FLG: variants seen among roughly 807,000 people sequenced by gnomAD.
The protein encoded by FLG is filaggrin, also known as epidermal filaggrin.
Under a neutral mutation model 3.8 loss-of-function variants are expected in FLG, and 6 were observed. The observed-to-expected ratio is 1.60, with a 90% CI of 0.87 to 3.15. The LOEUF (loss-of-function observed/expected upper bound fraction) is 3.15, where lower values mean the gene tolerates loss of function less well. FLG is among the 30% of genes most tolerant of loss of function. The probability of loss-of-function intolerance (pLI) is 0.00; values close to 1 mark genes in which losing one functional copy is unlikely to be tolerated. For missense variants in FLG, 7,595 were observed against 5,050.9 expected, an observed-to-expected ratio of 1.50 and a Z score of -15.27; for synonymous variants, 2,551 against 1,931.6, an observed-to-expected ratio of 1.32 and a Z score of -8.41.
At position 152,313,384 on chromosome 1, in the gene FLG, C is replaced by T. The variant is rs145828067; in HGVS notation, c.1502G>A (p.Arg501Gln). The T allele has an allele frequency of 3.0e-4, 485 of 1,613,376 alleles. No individual in the cohort carries two copies. The highest frequency in any genetic ancestry group is 4.0e-4 in the Non-Finnish European group (470 of 1,179,840). ...GGACGCTGAATGCCTGGAGCTGTCT[C>T]GTGCCTGCTCGTGGTGCGATCCTTG... ...GRQGSHHEQA[R>Q]DSSRHSASQE... Residue 501 changes from arginine to glutamine, a missense_variant, in exon 3 of 3, where the codon CGA (arginine) becomes CAA (glutamine). Arg to Gln is a conservative substitution (Grantham distance 43, BLOSUM62 1). Coordinates refer to ENST00000368799, the MANE Select transcript of FLG (RefSeq NM_002016.2).
At chr1:152,314,778 G>A in intron 2 of FLG, 31 bp from the exon 3 acceptor site, 1 of 1,613,070 alleles carries the variant, frequency 6.2e-7, no homozygotes, top group Non-Finnish European at 8.5e-7. Context: ...GAGGGAGACT[G>A]CATCAGACAG....
In FLG at chr1:152,311,143, C is replaced by G; in HGVS notation, c.3743G>C (p.Arg1248Thr). 3 of 1,613,936 alleles carry G rather than the reference C, an allele frequency of 1.9e-6. No homozygotes were observed. The highest frequency in any genetic ancestry group is 2.5e-6 in the Non-Finnish European group (3 of 1,180,006). The stretch of plus-strand genomic sequence containing the variant: ...TTGTTCCTGTCCCACCTGTGAGTGT[C>G]TAGAGCTGTCAGCCCAAGAGGCAGC... ...HEAASWADSS[R>T]HSQVGQEQSS... The change falls in exon 3 of 3, where the codon AGA (arginine) becomes ACA (threonine). Residue 1248 changes from arginine (R) to threonine (T), a missense_variant. Physicochemically the swap from Arg to Thr is moderately conservative, Grantham distance 71. Transcript: ENST00000368799.
In FLG at chr1:152,304,193, C is replaced by A; in HGVS notation, c.10693G>T (p.Gly3565Ter). ...WSGSASRNHR[G>*]SAQEQSRDGS... The stretch of plus-strand genomic sequence containing the variant: ...TCTCTTGACTGCTCCTGAGCAGATC[C>A]ACGATGGTTTCTGGAAGCAGACCCA... Residue 3565 changes from glycine (G) to a stop codon, truncating the protein, a stop_gained, in exon 3 of 3, where the codon GGA becomes TGA. Transcript: ENST00000368799. LOFTEE classifies it low-confidence loss of function (END_TRUNC). 1 of 1,610,236 alleles carries A rather than the reference C, an allele frequency of 6.2e-7. No homozygotes were observed. The highest frequency in any genetic ancestry group is 8.5e-7 in the Non-Finnish European group (1 of 1,179,432).
Position 152,310,270 on chromosome 1 carries a change from C to T in FLG, c.4616G>A (p.Ser1539Asn). 2 of 1,613,896 alleles carry T rather than the reference C, an allele frequency of 1.2e-6. No homozygotes were observed. The highest frequency in any genetic ancestry group is 1.7e-6 in the Non-Finnish European group (2 of 1,179,984). ...DASHGQSGPR[S>N]ASRQTRNEEQ... is the part of the protein sequence containing the mutation. ...CTCATTTCTTGTTTGCCTGCTTGCA[C>T]TTCTGGGTCCTGACTGCCCATGGGA... is the stretch of plus-strand genomic sequence containing the variant. The change falls in exon 3 of 3, where the codon AGT becomes AAT. Residue 1539 changes from serine to asparagine, a missense_variant. By Grantham distance (46) the Ser-to-Asn change is conservative. Transcript: ENST00000368799.
chr1:152,320,347 A>G (rs1364834315), intron 1 of FLG, among the ~76,000 whole-genome samples: 4 of 151,060 alleles, frequency 2.6e-5, no homozygotes, highest in Non-Finnish European at 3.0e-5. Flanking sequence ...CTGGATTAAA[A>G]AAAACCAACT....
At chr1:152,323,760 A>G (rs934298840) in intron 1 of FLG, among the ~76,000 whole-genome samples, 2 of 151,636 alleles carry the variant, frequency 1.3e-5, no homozygotes, top group Admixed American at 1.3e-4. Flanking sequence ...TCTAAGTCCT[A>G]GCGATTTACT....
chr1:152,306,775 GTGTC>G lies in FLG; in HGVS notation c.8107_8110del (p.Asp2703HisfsTer39), dbSNP rs1365044845. 1.4e-6 allele frequency: 2 copies of G among 1,421,536 alleles called. No homozygotes were observed. 88.1% of individuals were successfully genotyped at this position (1,421,536 alleles called of 1,614,324 possible). A position where few individuals can be genotyped will look rare whatever the true frequency, so the allele number is the denominator to read the frequency against. On this transcript the variant is annotated frameshift_variant, in exon 3 of 3. Coordinates refer to ENST00000368799, the MANE Select transcript of FLG (RefSeq NM_002016.2). LOFTEE classifies it low-confidence loss of function (END_TRUNC). ...CTGTCCGTGGGCTGACACTGACTGT[GTGTC>G]TGAGTCTTCTGAATGTCCCTCATTG... is the stretch of plus-strand genomic sequence containing the variant.
In FLG at chr1:152,307,553, G is replaced by C; in HGVS notation, c.7333C>G (p.Gln2445Glu). Residue 2445 changes from glutamine to glutamate, a missense_variant, in exon 3 of 3, where the codon CAG becomes GAG. Coordinates refer to ENST00000368799, the MANE Select transcript of FLG (RefSeq NM_002016.2). ...TGGRQGSHHK[Q>E]ARDSSRHSTS... is the part of the protein sequence containing the mutation. Reference sequence around the variant, plus strand: ...GAGTGCCTGGAGCTGTCTCGTGCCTGCTTGTGGTGGGATCCTTGTCTTCCT... The same window carrying C: ...GAGTGCCTGGAGCTGTCTCGTGCCTCCTTGTGGTGGGATCCTTGTCTTCCT... 1.9e-6 allele frequency: 3 copies of C among 1,613,842 alleles called. No homozygotes were observed. Among genetic ancestry groups the C allele is most frequent in the Non-Finnish European group, 2.5e-6 (3 of 1,179,948 alleles).
Position 152,311,156 on chromosome 1 carries a change from C to T in FLG, c.3730G>A (p.Ala1244Thr), listed in dbSNP as rs1338711675. Reference sequence around the variant, plus strand: ...ACCTGTGAGTGTCTAGAGCTGTCAGCCCAAGAGGCAGCTTCATGGTGACGT... The same window carrying T: ...ACCTGTGAGTGTCTAGAGCTGTCAGTCCAAGAGGCAGCTTCATGGTGACGT... ...GSRHHEAASWADSSRHSQVGQ... is the reference protein window; with the variant it reads ...GSRHHEAASWTDSSRHSQVGQ... Residue 1244 changes from alanine (A) to threonine (T), a missense_variant, in exon 3 of 3, where the codon GCT (alanine) becomes ACT (threonine). Coordinates refer to ENST00000368799, the MANE Select transcript of FLG (RefSeq NM_002016.2). The T allele has an allele frequency of 8.7e-6, 14 of 1,613,848 alleles. No homozygotes were observed. The highest frequency in any genetic ancestry group is 1.2e-5 in the Non-Finnish European group (14 of 1,179,978).
chr1:152,309,473 C>T lies in FLG; in HGVS notation c.5413G>A (p.Ala1805Thr), dbSNP rs369427030. ...EQARDSSRHS[A>T]SQEGQDTIRG... ...ATGGTGTCCTGACCCTCTTGGGACG[C>T]TGAGTGCCTGGAGCTGTCTCGTGCC... The change falls in exon 3 of 3, where the codon GCG becomes ACG. Residue 1805 changes from alanine (A) to threonine (T), a missense_variant. Transcript: ENST00000368799. 2.7e-5 allele frequency: 44 copies of T among 1,613,746 alleles called. 1 individual carries two copies. Among genetic ancestry groups the T allele is most frequent in the Admixed American group, 6.7e-5 (4 of 59,962 alleles).
At chr1:152,320,600 C>A (rs975746522) in intron 1 of FLG, among the ~76,000 whole-genome samples, 4 of 151,036 alleles carry the variant, frequency 2.6e-5, no homozygotes, top group Admixed American at 2.6e-4. Context: ...GAGGACCAGG[C>A]AATCTACAAT....
Position 152,303,488 on chromosome 1 carries a change from A to C in FLG, c.11398T>G (p.Ser3800Ala). 2.5e-6 allele frequency: 4 copies of C among 1,613,092 alleles called. No homozygotes were observed. Among genetic ancestry groups the C allele is most frequent in the Non-Finnish European group, 3.4e-6 (4 of 1,179,752 alleles). ...HTTSQGRSDASHGQSGSRSAS... is the reference protein window; with the variant it reads ...HTTSQGRSDAAHGQSGSRSAS... ...CTTCTGGATCCTGACTGCCCATGGG[A>C]GGCATCAGACCTTCCCTGGGATGTG... The change falls in exon 3 of 3, where the codon TCC (serine) becomes GCC (alanine). Residue 3800 changes from serine to alanine, a missense_variant. By Grantham distance (99) the Ser-to-Ala change is moderately conservative (BLOSUM62 1). Coordinates refer to ENST00000368799, the MANE Select transcript of FLG (RefSeq NM_002016.2).
In FLG at chr1:152,313,196, A is replaced by T. The variant is rs140553951; in HGVS notation, c.1690T>A (p.Ser564Thr). The change falls in exon 3 of 3, where the codon TCC becomes ACC. Residue 564 changes from serine (S) to threonine (T), a missense_variant. Ser to Thr is a moderately conservative substitution (Grantham distance 58, BLOSUM62 1). Transcript: ENST00000368799. The stretch of plus-strand genomic sequence containing the variant: ...CGTGTTTGTCTGCTTGCACTTCTGG[A>T]TCCTGACTGCCCATGGGAGGCATCA... ...RSDASHGQSG[S>T]RSASRQTRNE... 4.3e-6 allele frequency: 7 copies of T among 1,613,476 alleles called. No individual in the cohort carries two copies. Among genetic ancestry groups the T allele is most frequent in the Non-Finnish European group, 5.9e-6 (7 of 1,179,928 alleles).
rs200467094 is a variant in FLG at position 152,311,919 on chromosome 1, G to T, written c.2967C>A (p.His989Gln). ...AGTGCCCGTGACCGGCTCTGTCTTC[G>T]TGATGGGACCTGGGGTGTCTGGAGC... ...RHGSRHPRSHHEDRAGHGHSA... is the reference protein window; with the variant it reads ...RHGSRHPRSHQEDRAGHGHSA... Residue 989 changes from histidine to glutamine, a missense_variant, in exon 3 of 3, where the codon CAC (histidine) becomes CAA (glutamine). Coordinates refer to ENST00000368799, the MANE Select transcript of FLG (RefSeq NM_002016.2). 5.6e-6 allele frequency: 9 copies of T among 1,613,948 alleles called. No individual in the cohort carries two copies. The highest frequency in any genetic ancestry group is 4.0e-5 in the African/African-American group (3 of 74,888).
chr1:152,312,889 T>A lies in FLG; in HGVS notation c.1997A>T (p.Asp666Val). 1.2e-6 allele frequency: 2 copies of A among 1,614,086 alleles called. No homozygotes were observed. ...GSRHPRSHHE[D>V]RAGHGHSADS... ...TGCAGAGTGCCCATGACCAGCTCTG[T>A]CTTCGTGATGGGACCTGGGGTGTCT... Residue 666 changes from aspartate to valine, a missense_variant, in exon 3 of 3, where the codon GAC (aspartate) becomes GTC (valine). Physicochemically the swap from Asp to Val is radical, Grantham distance 152. Coordinates refer to ENST00000368799, the MANE Select transcript of FLG (RefSeq NM_002016.2).
chr1:152,309,521 TTCC>T lies in FLG; in HGVS notation c.5362_5364del (p.Gly1788del). 6.2e-7 allele frequency: 1 copy of T among 1,613,934 alleles called. No individual in the cohort carries two copies. Among genetic ancestry groups the T allele is most frequent in the African/African-American group, 1.3e-5 (1 of 74,994 alleles). On this transcript the variant is annotated inframe_deletion, in exon 3 of 3. Coordinates refer to ENST00000368799, the MANE Select transcript of FLG (RefSeq NM_002016.2). ...GCCTGCTCGTGGCGGGATCTTTGTCTTCCTCCAGTGCTGGGCCCTGTGCGTCCA... is the reference window on the plus strand; with the variant it reads ...GCCTGCTCGTGGCGGGATCTTTGTCTTCCAGTGCTGGGCCCTGTGCGTCCA...
Position 152,312,971 on chromosome 1 carries a change from C to A in FLG, c.1915G>T (p.Gly639Trp). 1 of 1,613,982 alleles carries A rather than the reference C, an allele frequency of 6.2e-7. No individual in the cohort carries two copies. Among genetic ancestry groups the A allele is most frequent in the South Asian group, 1.1e-5 (1 of 91,076 alleles). The change falls in exon 3 of 3, where the codon GGG becomes TGG. Residue 639 changes from glycine (G) to tryptophan (W), a missense_variant. Physicochemically the swap from Gly to Trp is radical, Grantham distance 184. Coordinates refer to ENST00000368799, the MANE Select transcript of FLG (RefSeq NM_002016.2). ...CCATGATGGTTTCTGGAAGCAGACC[C>A]AGACCACCTCTCAGAGTCTTCTGAG... ...GHSEDSERWS[G>W]SASRNHHGSA... is the part of the protein sequence containing the mutation.
intron 1 of FLG, among the ~76,000 whole-genome samples, chr1:152,322,197 C>T (rs1013622181): frequency 5.3e-5 from 8 of 150,850 alleles, no homozygotes; most frequent in East Asian, 3.9e-4. Context: ...AACTAGTATG[C>T]CTGCATCATC....
chr1:152,305,259 C>T lies in FLG; in HGVS notation c.9627G>A (p.Arg3209=), dbSNP rs1651878850. The change falls in exon 3 of 3, where the codon AGG becomes AGA. Residue 3209 remains arginine (R), a synonymous_variant. Transcript: ENST00000368799. ...QGQSEGSRRS[R]RQGSSVSQDS... is the part of the protein sequence containing the mutation. ...CCTGGCTCACACTGGATCCCTGGCGCCTGCTTCTCCTGGACCCCTCTGATT... is the reference window on the plus strand; with the variant it reads ...CCTGGCTCACACTGGATCCCTGGCGTCTGCTTCTCCTGGACCCCTCTGATT... The T allele has an allele frequency of 1.9e-6, 3 of 1,612,328 alleles. No homozygotes were observed. Among genetic ancestry groups the T allele is most frequent in the Non-Finnish European group, 2.5e-6 (3 of 1,179,738 alleles).
Sources: gnomAD v4.1 joint callset for allele counts (sites outside exome capture counted in the v4.1 genomes callset) on GRCh38, gnomAD v4.1.1 for gene constraint, MANE v1.5 for transcripts, NCBI Gene and HGNC (gene_info 2026-07-23, HGNC 2026-07-21) for gene names.